The following SND1 variants were observed in gnomAD, a reference collection of about 807,000 sequenced individuals.
SND1 encodes the protein staphylococcal nuclease and tudor domain containing 1, also known as staphylococcal nuclease domain-containing protein 1.
SND1 carries 38 observed loss-of-function variants against 121.7 expected under a neutral mutation model. The observed-to-expected ratio is 0.31, with a 90% CI of 0.24 to 0.41. The LOEUF is 0.41. Ranked by LOEUF, SND1 falls within the 10% of genes least tolerant of loss-of-function variation. The probability of loss-of-function intolerance (pLI) is 1.00; values close to 1 mark genes in which losing one functional copy is unlikely to be tolerated. For synonymous variants in SND1, 401 were observed against 447.4 expected (o/e 0.90, Z 1.31); for missense variants, 868 against 1,184.6 (o/e 0.73, Z 3.92).
At chr7:127,878,546 G>A (rs942157353) in intron 12 of SND1, among the ~76,000 whole-genome samples, 2 of 152,074 alleles carry the variant, frequency 1.3e-5, no homozygotes, top group African/African-American at 2.4e-5. Context: ...TGGTTTTCCC[G>A]TCACTCCACA....
intron 16 of SND1, among the ~76,000 whole-genome samples, chr7:128,013,059 C>G (rs755837943): frequency 2.0e-5 from 3 of 152,138 alleles, no homozygotes; most frequent in African/African-American, 4.8e-5. Flanking sequence ...TTTCCTCACA[C>G]AGTCAGAGTC....
At chr7:127,813,790 T>A (rs976370179) in intron 11 of SND1, among the ~76,000 whole-genome samples, 1 of 152,212 alleles carries the variant, frequency 6.6e-6, no homozygotes, top group African/African-American at 2.4e-5. Flanking sequence ...CTCAAACTCC[T>A]GACCTCAGGT....
At chr7:127,808,616 A>G (rs1048674383) in intron 11 of SND1, among the ~76,000 whole-genome samples, 1 of 152,244 alleles carries the variant, frequency 6.6e-6, no homozygotes, top group African/African-American at 2.4e-5. Context: ...TAAAATTGCT[A>G]ATTTTGAGGA....
At chr7:127,898,594 C>T (rs950571725) in intron 13 of SND1, among the ~76,000 whole-genome samples, 1 of 152,174 alleles carries the variant, frequency 6.6e-6, no homozygotes, top group Admixed American at 6.5e-5. Flanking sequence ...TGACCTGAAA[C>T]ACAATGAGAA....
chr7:127,935,745 C>T (rs1398653091), intron 15 of SND1, among the ~76,000 whole-genome samples: 4 of 152,152 alleles, frequency 2.6e-5, no homozygotes, highest in Non-Finnish European at 4.4e-5. Context: ...AGATATCTGC[C>T]GTATGCACCC....
chr7:127,716,493 T>G (rs549671417), intron 9 of SND1, among the ~76,000 whole-genome samples: 3 of 138,804 alleles, frequency 2.2e-5, no homozygotes, highest in East Asian at 2.0e-4. Context: ...TTTTCTTAGG[T>G]TTTTTTTTTT....
chr7:127,982,727 C>T (rs1008596810), intron 15 of SND1, among the ~76,000 whole-genome samples: 1 of 152,178 alleles, frequency 6.6e-6, no homozygotes, highest in Non-Finnish European at 1.5e-5. Context: ...TGGAAATATA[C>T]GCCCTAAGTG....
rs114041040 is a variant in SND1, at chr7:127,676,115, A to G, written c.79-10498A>G. On this transcript the variant is annotated intron_variant, in intron 1 of 23. Coordinates refer to ENST00000354725, the MANE Select transcript of SND1 (RefSeq NM_014390.4). Reference sequence around the variant, plus strand: ...ATGATTCTCATATCATAGATTTAGTATTTGGGGTTTATTAGCAAGTACACT... The same window carrying G: ...ATGATTCTCATATCATAGATTTAGTGTTTGGGGTTTATTAGCAAGTACACT... 4.1e-3 allele frequency among the ~76,000 whole-genome samples: 625 copies of G among 152,248 alleles called. 6 individuals are homozygous for G. Among genetic ancestry groups the G allele is most frequent in the African/African-American group, 0.014 (600 of 41,544 alleles).
chr7:127,836,655 T>C (rs537733931), intron 11 of SND1, among the ~76,000 whole-genome samples: 3 of 152,298 alleles, frequency 2.0e-5, no homozygotes, highest in African/African-American at 4.8e-5. Flanking sequence ...CATCTACCAG[T>C]TATTTGTTTT....
At chr7:127,670,832 A>G (rs2116262150) in intron 1 of SND1, among the ~76,000 whole-genome samples, 1 of 151,946 alleles carries the variant, frequency 6.6e-6, no homozygotes, top group African/African-American at 2.4e-5. Flanking sequence ...TTTATATGCA[A>G]TTAAAAAAAA....
chr7:127,873,392 C>T (rs953350635), intron 12 of SND1, among the ~76,000 whole-genome samples: 6 of 152,050 alleles, frequency 3.9e-5, no homozygotes, highest in Non-Finnish European at 8.8e-5. Flanking sequence ...TCCTGGACTC[C>T]GTAATTGGAG....
At chr7:127,807,836 T>C (rs1020213154) in intron 11 of SND1, among the ~76,000 whole-genome samples, 1 of 152,162 alleles carries the variant, frequency 6.6e-6, no homozygotes, top group African/African-American at 2.4e-5. Flanking sequence ...TTTTAATAAT[T>C]GCATATTGCC....
chr7:127,652,748 A>G (rs780701202), intron 1 of SND1, among the ~76,000 whole-genome samples: 2 of 152,126 alleles, frequency 1.3e-5, no homozygotes, highest in Non-Finnish European at 2.9e-5. Flanking sequence ...AACAGAGACA[A>G]TTCGTTGATA....
At chr7:127,935,244 G>C (rs559108373) in intron 15 of SND1, among the ~76,000 whole-genome samples, 1 of 152,276 alleles carries the variant, frequency 6.6e-6, no homozygotes, top group East Asian at 1.9e-4. Context: ...AAGTAGTGCA[G>C]AAAGTAAAAG....
Position 127,904,812 on chromosome 7 carries a change from T to C in SND1, c.1520T>C (p.Ile507Thr), listed in dbSNP as rs749226627. 6.2e-7 allele frequency: 1 copy of C among 1,605,160 alleles called. No individual in the cohort carries two copies. Among genetic ancestry groups the C allele is most frequent in the Non-Finnish European group, 8.5e-7 (1 of 1,171,990 alleles). ...GTGCCTATCCACCGTGTTGCAGATA[T>C]ATCTGGGGTGAGTCGAGTCCCTGAA... ...KEVPIHRVAD[I>T]SGDTQKAKQF... is the part of the protein sequence containing the mutation. Residue 507 changes from isoleucine (I) to threonine (T), a missense_variant, in exon 14 of 24, where the codon ATA becomes ACA. This residue lies in a region of SND1 where 743 missense variants were observed against 1,071.3 expected (regional missense o/e 0.69). Transcript: ENST00000354725.
chr7:128,040,983 G>T (rs1792844787), intron 16 of SND1, among the ~76,000 whole-genome samples: 1 of 152,188 alleles, frequency 6.6e-6, no homozygotes, highest in South Asian at 2.1e-4. Context: ...AGTAACGTGA[G>T]TTCCTTGGCA....
At chr7:127,682,364 C>T (rs1795741857) in intron 1 of SND1, among the ~76,000 whole-genome samples, 1 of 152,198 alleles carries the variant, frequency 6.6e-6, no homozygotes. Context: ...CTTTGAATCA[C>T]ACCACGTCCC....
intron 11 of SND1, among the ~76,000 whole-genome samples, chr7:127,830,514 T>C (rs940816385): frequency 1.3e-5 from 2 of 152,194 alleles, no homozygotes; most frequent in Non-Finnish European, 2.9e-5. Context: ...CCCTCACTTT[T>C]CTTCCCCTGG....
At chr7:127,690,507 C>T (rs1009259900) in intron 2 of SND1, among the ~76,000 whole-genome samples, 8 of 152,222 alleles carry the variant, frequency 5.3e-5, no homozygotes, top group Non-Finnish European at 2.9e-5. Flanking sequence ...CTGACATTTC[C>T]TTTCATCATC....
Sources: allele counts gnomAD v4.1 joint callset (sites outside exome capture counted in the v4.1 genomes callset), GRCh38; gene constraint gnomAD v4.1.1; regional missense constraint gnomAD v4.1.1; transcripts MANE v1.5; gene names NCBI Gene and HGNC (gene_info 2026-07-23, HGNC 2026-07-21).